KLHL6: variants seen among roughly 807,000 people sequenced by gnomAD.
KLHL6 encodes the protein kelch-like protein 6.
In KLHL6, 41 loss-of-function variants were observed where a neutral mutation model predicts 58.6. The observed-to-expected ratio is 0.70, with a 90% CI of 0.55 to 0.91. The LOEUF is 0.91. Among genes scored for constraint, KLHL6 ranks in the 40% least tolerant of loss-of-function variants. The probability of loss-of-function intolerance (pLI) is 0.00; values close to 1 mark genes in which losing one functional copy is unlikely to be tolerated. For synonymous variants in KLHL6, 338 were observed against 322.7 expected (o/e 1.05, Z -0.51); for missense variants, 714 against 805.6 (o/e 0.89, Z 1.38).
At position 183,540,148 on chromosome 3, in the gene KLHL6, C is replaced by A. The variant is rs970540526; in HGVS notation, c.294-12138G>T. Among the ~76,000 whole-genome samples, 5 of 152,296 alleles carry A rather than the reference C, an allele frequency of 3.3e-5. No individual in the cohort carries two copies. In the East Asian group the frequency reaches 9.6e-4, roughly 29 times the overall value. On this transcript the variant is annotated intron_variant, in intron 1 of 6. Coordinates refer to ENST00000341319, the MANE Select transcript of KLHL6 (RefSeq NM_130446.4). ...GTTCAGGGATGGGAATAGGAAGAAG[C>A]CAATTCAATTGGAGCCAATTCCAGA...
intron 5 of KLHL6, chr3:183,493,179 C>A: frequency 5.4e-6 from 1 of 185,948 alleles, no homozygotes; most frequent in Non-Finnish European, 1.1e-5. Context: ...CATTATGGGG[C>A]AGCATTGAGG....
chr3:183,548,573 C>T (rs1189731965), intron 1 of KLHL6, among the ~76,000 whole-genome samples: 1 of 152,192 alleles, frequency 6.6e-6, no homozygotes, highest in African/African-American at 2.4e-5. Flanking sequence ...AAAAATCAGG[C>T]ATAAGGCCAG....
intron 2 of KLHL6, among the ~76,000 whole-genome samples, chr3:183,525,334 A>G (rs56172442): frequency 0.5 from 75,333 of 150,652 alleles, 19,682 homozygotes; most frequent in Non-Finnish European, 0.58. Flanking sequence ...CCCGGGGGGG[A>G]AAATTTAGGA....
chr3:183,503,693 C>T (rs1226003604), intron 3 of KLHL6, among the ~76,000 whole-genome samples: 23 of 152,176 alleles, frequency 1.5e-4, no homozygotes, highest in African/African-American at 5.5e-4. Context: ...GCAGGAGAAT[C>T]TCTTGAACCT....
intron 1 of KLHL6, chr3:183,544,815 C>G (rs1357154974): frequency 1.3e-5 from 2 of 151,752 alleles, no homozygotes; most frequent in Non-Finnish European, 2.9e-5. Context: ...GCTCTTTAGC[C>G]AAGGGTGGAC....
chr3:183,528,083 A>T, intron 1 of KLHL6, 73 bp from the exon 2 acceptor site: 1 of 1,541,640 alleles, frequency 6.5e-7, no homozygotes. Context: ...CCCCTTTCAG[A>T]CTCATCAGGC....
chr3:183,514,951 T>G (rs1711515114), intron 2 of KLHL6, among the ~76,000 whole-genome samples: 1 of 152,202 alleles, frequency 6.6e-6, no homozygotes, highest in African/African-American at 2.4e-5. Flanking sequence ...ATTACAGGCA[T>G]GAGCCACCAT....
intron 2 of KLHL6, chr3:183,520,997 G>A (rs1271597189): frequency 6.6e-6 from 1 of 152,146 alleles, no homozygotes; most frequent in African/African-American, 2.4e-5. Context: ...TGTCTCAGTC[G>A]GGAGAAACCT....
chr3:183,508,353 C>T lies in KLHL6; in HGVS notation c.615G>A (p.Leu205=). ...GCAGGTCAAGAAACTCCTCAGAGTTCAGAATCTGCACAAAGTTTTGAATGA... is the reference window on the plus strand; with the variant it reads ...GCAGGTCAAGAAACTCCTCAGAGTTTAGAATCTGCACAAAGTTTTGAATGA... ...SYIIQNFVQI[L]NSEEFLDLPV... Residue 205 remains leucine, a synonymous_variant, in exon 3 of 7, where the codon CTG becomes CTA. Coordinates refer to ENST00000341319, the MANE Select transcript of KLHL6 (RefSeq NM_130446.4). The T allele has an allele frequency of 6.2e-7, 1 of 1,614,180 alleles. No homozygotes were observed. Among genetic ancestry groups the T allele is most frequent in the Non-Finnish European group, 8.5e-7 (1 of 1,180,030 alleles).
rs1224696684 is a variant in KLHL6, at chr3:183,553,069, A to G, written c.293+2292T>C. 2.0e-5 allele frequency among the ~76,000 whole-genome samples: 3 copies of G among 152,160 alleles called. No homozygotes were observed. In the East Asian group the frequency reaches 5.8e-4, roughly 29 times the overall value. ...TAGGAATAGTAGCACCGGAAGAAAG[A>G]ATCCTGTCTCCAGGACAGTATTCAT... On this transcript the variant is annotated intron_variant, in intron 1 of 6. Coordinates refer to ENST00000341319, the MANE Select transcript of KLHL6 (RefSeq NM_130446.4).
intron 3 of KLHL6, among the ~76,000 whole-genome samples, chr3:183,502,723 C>T (rs552898310): frequency 2.0e-5 from 3 of 152,296 alleles, no homozygotes; most frequent in East Asian, 3.9e-4. Context: ...ATTACTGCAG[C>T]CCCAGCCAAG....
chr3:183,543,935 A>G (rs1712632825), intron 1 of KLHL6, among the ~76,000 whole-genome samples: 1 of 152,138 alleles, frequency 6.6e-6, no homozygotes, highest in East Asian at 1.9e-4. Context: ...AGGCCGAGGC[A>G]GGCGGATCAC....
At chr3:183,534,700 G>T (rs76822811) in intron 1 of KLHL6, among the ~76,000 whole-genome samples, 9 of 151,578 alleles carry the variant, frequency 5.9e-5, no homozygotes, top group African/African-American at 2.2e-4. Context: ...CACCATGCCC[G>T]GCCCCATTTT....
In KLHL6 at chr3:183,499,743, G is replaced by A. The variant is rs753462867; in HGVS notation, c.994C>T (p.Arg332Trp). 2.5e-6 allele frequency: 4 copies of A among 1,610,118 alleles called. No homozygotes were observed. Among genetic ancestry groups the A allele is most frequent in the South Asian group, 1.1e-5 (1 of 89,800 alleles). Residue 332 changes from arginine to tryptophan, a missense_variant, in exon 4 of 7, where the codon CGG (arginine) becomes TGG (tryptophan). By Grantham distance (101) the Arg-to-Trp change is moderately radical. Coordinates refer to ENST00000341319, the MANE Select transcript of KLHL6 (RefSeq NM_130446.4). The surrounding 1 kb of genome is among the most constrained non-coding windows in gnomAD (Gnocchi z 4.6). ...MIIGGCTKDERFVAEVTCLDP... is the reference protein window; with the variant it reads ...MIIGGCTKDEWFVAEVTCLDP... ...AGGCAGGTCACCTCTGCCACAAACC[G>A]TTCATCCTTCGTGCAGCCGCCAATG...
At chr3:183,514,852 T>A (rs778812862) in intron 2 of KLHL6, among the ~76,000 whole-genome samples, 3 of 151,974 alleles carry the variant, frequency 2.0e-5, no homozygotes, top group Non-Finnish European at 2.9e-5. Flanking sequence ...TGTATTTTAG[T>A]ACAGATGGGG....
chr3:183,542,426 A>C (rs975085987), intron 1 of KLHL6, among the ~76,000 whole-genome samples: 4 of 152,022 alleles, frequency 2.6e-5, no homozygotes, highest in Non-Finnish European at 5.9e-5. Flanking sequence ...ACCTGTGGTT[A>C]CACTGCGTGG....
chr3:183,492,658 T>C lies in KLHL6; in HGVS notation c.1400A>G (p.Lys467Arg). ...TCCCCCGATCACATACAGCTTCTTC[T>C]TATGGCTGGTGGCTGCAAAGGAACT... ...HVSSFAATSH[K>R]KKLYVIGGGP... The change falls in exon 6 of 7, where the codon AAG (lysine) becomes AGG (arginine). Residue 467 changes from lysine (K) to arginine (R), a missense_variant. By Grantham distance (26) the Lys-to-Arg change is conservative. Coordinates refer to ENST00000341319, the MANE Select transcript of KLHL6 (RefSeq NM_130446.4). The surrounding 1 kb of genome is among the most constrained non-coding windows in gnomAD (Gnocchi z 5.9). The C allele has an allele frequency of 6.2e-7, 1 of 1,614,042 alleles. No homozygotes were observed. The highest frequency in any genetic ancestry group is 8.5e-7 in the Non-Finnish European group (1 of 1,180,032).
intron 1 of KLHL6, among the ~76,000 whole-genome samples, chr3:183,542,349 G>A (rs1023723777): frequency 5.3e-5 from 8 of 152,180 alleles, no homozygotes; most frequent in African/African-American, 1.7e-4. Context: ...AACCTTTCCC[G>A]GTCTGACCAT....
rs141007294 is a variant in KLHL6, at chr3:183,519,753, G to A, written c.459+8092C>T. On this transcript the variant is annotated intron_variant, in intron 2 of 6. Transcript: ENST00000341319. ...ATAATAATAATAATAATAAAAAGCC[G>A]GGCATAGTGGTGCATGGCTATATTC... Among the ~76,000 whole-genome samples, 223 of 151,230 alleles carry A rather than the reference G, an allele frequency of 1.5e-3. 1 individual carries two copies. Among genetic ancestry groups the A allele is most frequent in the Non-Finnish European group, 2.5e-3 (173 of 67,856 alleles).
Sources: allele counts gnomAD v4.1 joint callset (sites outside exome capture counted in the v4.1 genomes callset), GRCh38; gene constraint gnomAD v4.1.1; non-coding constraint Gnocchi (gnomAD v3.1); transcripts MANE v1.5; gene names NCBI Gene and HGNC (gene_info 2026-07-23, HGNC 2026-07-21).